The following LHFPL1 variants were observed in gnomAD, a reference collection of about 807,000 sequenced individuals.
LHFPL1 encodes LHFPL tetraspan subfamily member 1 protein.
Under a neutral mutation model 12.1 loss-of-function variants are expected in LHFPL1, and 4 were observed. That is an observed-to-expected ratio of 0.33 (90% CI 0.16 to 0.76). The LOEUF (loss-of-function observed/expected upper bound fraction) is 0.76. Among genes scored for constraint, LHFPL1 ranks in the 30% least tolerant of loss-of-function variants. The pLI is 0.61. For missense variants in LHFPL1, 141 were observed against 174.1 expected (o/e 0.81, Z 1.07); for synonymous variants, 52 against 61.9 (o/e 0.84, Z 0.75).
At chrX:112,675,335 A>G (rs948512440) in intron 1 of LHFPL1, among the ~76,000 whole-genome samples, 2 of 111,198 alleles carry the variant, frequency 1.8e-5, no homozygotes, top group Non-Finnish European at 3.8e-5. Context: ...AAGGCAGAGG[A>G]ACGGACTATC....
chrX:112,671,333 C>G lies in LHFPL1; in HGVS notation c.58G>C (p.Ala20Pro). The change falls in exon 2 of 4, where the codon GCT becomes CCT. Residue 20 changes from alanine to proline, a missense_variant. Physicochemically the swap from Ala to Pro is conservative, Grantham distance 27. Transcript: ENST00000371968. ...TLWAFLSLVT[A>P]VTSSTSYFLP... The stretch of plus-strand genomic sequence containing the variant: ...AAGTAACTGGTAGAACTGGTCACAG[C>G]AGTAACAAGGGACAGGAAGGCCCAG... The G allele has an allele frequency of 8.3e-7, 1 of 1,211,742 alleles. No homozygotes were observed. Among genetic ancestry groups the G allele is most frequent in the Non-Finnish European group, 1.1e-6 (1 of 895,336 alleles).
At chrX:112,655,681 A>G (rs931075066) in intron 3 of LHFPL1, among the ~76,000 whole-genome samples, 1 of 111,365 alleles carries the variant, frequency 9.0e-6, no homozygotes, top group African/African-American at 3.3e-5. Flanking sequence ...GGCTCTGTGT[A>G]TCTCCCTTCC....
rs1931481845 is a variant in LHFPL1, at chrX:112,671,062, T to C, written c.329A>G (p.Glu110Gly). 1 of 1,210,139 alleles carries C rather than the reference T, an allele frequency of 8.3e-7. No individual in the cohort carries two copies. The highest frequency in any genetic ancestry group is 2.2e-5 in the Admixed American group (1 of 45,844). Residue 110 changes from glutamate to glycine, a missense_variant, in exon 2 of 4, where the codon GAG (glutamate) becomes GGG (glycine). By Grantham distance (98) the Glu-to-Gly change is moderately conservative. Transcript: ENST00000371968. ...LAAVLGCCME[E>G]LISRMMGRCM... Reference sequence around the variant, plus strand: ...ACGTCCCATCATTCTGGAGATGAGCTCCTCCATGCAGCAACCCAGGACAGC... The same window carrying C: ...ACGTCCCATCATTCTGGAGATGAGCCCCTCCATGCAGCAACCCAGGACAGC...
At chrX:112,679,782 T>C (rs1220400753) in intron 1 of LHFPL1, 47 bp downstream of exon 1, 1 of 111,562 alleles carries the variant, frequency 9.0e-6, no homozygotes, top group Non-Finnish European at 1.9e-5. Flanking sequence ...CAAAGCAGTT[T>C]CTTATCCAGC....
chrX:112,658,322 G>A (rs1931071830), intron 3 of LHFPL1, among the ~76,000 whole-genome samples: 1 of 109,328 alleles, frequency 9.1e-6, no homozygotes, highest in African/African-American at 3.3e-5. Flanking sequence ...CTACTCAGGA[G>A]GCTGAGGCAG....
intron 3 of LHFPL1, among the ~76,000 whole-genome samples, chrX:112,641,852 A>G (rs1238136462): frequency 8.9e-6 from 1 of 111,924 alleles, no homozygotes; most frequent in South Asian, 3.8e-4. Context: ...GGATAGGACC[A>G]TATCATTAGC....
In LHFPL1 at chrX:112,631,187, G is replaced by A; in HGVS notation, c.*233C>T. 3.1e-6 allele frequency: 1 copy of A among 319,445 alleles called. No individual in the cohort carries two copies. Among genetic ancestry groups the A allele is most frequent in the Non-Finnish European group, 5.5e-6 (1 of 181,081 alleles). 26.3% of individuals were successfully genotyped at this position (319,445 alleles called of 1,213,427 possible). A position where few individuals can be genotyped will look rare whatever the true frequency, so the allele number is the denominator to read the frequency against. On this transcript the variant is annotated 3_prime_UTR_variant, in exon 4 of 4. Transcript: ENST00000371968. Reference sequence around the variant, plus strand: ...AGGGGTACTTTGGGTCTTCGGGTTAGCACGACTTGCCAGTTGGGTAAATGT... The same window carrying A: ...AGGGGTACTTTGGGTCTTCGGGTTAACACGACTTGCCAGTTGGGTAAATGT...
chrX:112,657,326 T>C (rs997909544), intron 3 of LHFPL1, among the ~76,000 whole-genome samples: 8 of 112,088 alleles, frequency 7.1e-5, no homozygotes, highest in African/African-American at 2.3e-4. Flanking sequence ...CTCAGGTTCA[T>C]GGATTGGAAA....
chrX:112,660,746 C>T (rs370616755), intron 2 of LHFPL1, 21 bp from the exon 3 acceptor site: 19 of 1,073,172 alleles, frequency 1.8e-5, no homozygotes, highest in Non-Finnish European at 2.2e-5. Context: ...AGCATACACA[C>T]AGACAGAAAA....
intron 3 of LHFPL1, among the ~76,000 whole-genome samples, chrX:112,632,804 G>T (rs980824852): frequency 1.8e-5 from 2 of 111,729 alleles, no homozygotes; most frequent in South Asian, 3.8e-4. Flanking sequence ...TGGCTGCTTC[G>T]CTTTCCCATT....
intron 3 of LHFPL1, among the ~76,000 whole-genome samples, chrX:112,643,394 A>G (rs891731295): frequency 2.8e-4 from 31 of 109,078 alleles, no homozygotes; most frequent in East Asian, 8.5e-4. Context: ...AAAAAAAAAA[A>G]AAAAAGAAAA....
At chrX:112,652,309 C>A (rs1569363778) in intron 3 of LHFPL1, among the ~76,000 whole-genome samples, 1 of 111,910 alleles carries the variant, frequency 8.9e-6, no homozygotes, top group Non-Finnish European at 1.9e-5. Flanking sequence ...TGCCTGCCTG[C>A]GAGTCAGAAA....
At chrX:112,632,596 C>G (rs1930221644) in intron 3 of LHFPL1, among the ~76,000 whole-genome samples, 1 of 111,915 alleles carries the variant, frequency 8.9e-6, no homozygotes, top group Admixed American at 9.5e-5. Flanking sequence ...CTCTCTCTAT[C>G]TAAATCTTGA....
At chrX:112,670,913 AG>A in intron 2 of LHFPL1, 95 bp downstream of exon 2, 12 of 938,815 alleles carry the variant, frequency 1.3e-5, no homozygotes, top group Non-Finnish European at 1.8e-5. Context: ...GACAAAGTGA[AG>A]GGGGTGAGAA....
intron 3 of LHFPL1, among the ~76,000 whole-genome samples, chrX:112,655,725 G>A (rs1930979900): frequency 1.8e-5 from 2 of 111,271 alleles, no homozygotes; most frequent in Admixed American, 9.6e-5. Context: ...ACATCACCAT[G>A]CCCAGCTAAT....
intron 3 of LHFPL1, among the ~76,000 whole-genome samples, chrX:112,659,467 A>G (rs191485525): frequency 6.5e-4 from 73 of 111,603 alleles, no homozygotes; most frequent in African/African-American, 2.2e-3. Context: ...CTCAAAAAAA[A>G]AAAATTCTGG....
At chrX:112,655,279 G>A (rs1466705226) in intron 3 of LHFPL1, among the ~76,000 whole-genome samples, 1 of 111,980 alleles carries the variant, frequency 8.9e-6, no homozygotes, top group Non-Finnish European at 1.9e-5. Context: ...GTGAAGATTT[G>A]GGGAATAGGA....
chrX:112,665,443 G>A lies in LHFPL1; in HGVS notation c.383-4718C>T, dbSNP rs748676892. On this transcript the variant is annotated intron_variant, in intron 2 of 3. Transcript: ENST00000371968. Reference sequence around the variant, plus strand: ...TGAGCGCAGGCAATCCACCTGCCTCGGCCTCCCAAAGTGCTAGGATTACAG... The same window carrying A: ...TGAGCGCAGGCAATCCACCTGCCTCAGCCTCCCAAAGTGCTAGGATTACAG... Among the ~76,000 whole-genome samples, 7 of 111,618 alleles carry A rather than the reference G, an allele frequency of 6.3e-5. No homozygotes were observed. In the South Asian group the frequency reaches 1.1e-3, roughly 18 times the overall value.
At chrX:112,659,459 C>CA (rs199860503) in intron 3 of LHFPL1, among the ~76,000 whole-genome samples, 2,051 of 97,739 alleles carry the variant, frequency 0.021, 111 homozygotes, top group Admixed American at 0.15. Flanking sequence ...GGCTCCATCT[C>CA]AAAAAAAAAA....
Sources: allele counts gnomAD v4.1 joint callset (sites outside exome capture counted in the v4.1 genomes callset), GRCh38; gene constraint gnomAD v4.1.1; transcripts MANE v1.5; gene names NCBI Gene and HGNC (gene_info 2026-07-23, HGNC 2026-07-21).